Variants in PTPRK observed in about 807,000 individuals in gnomAD.
PTPRK encodes the protein protein tyrosine phosphatase receptor type K.
A neutral mutation model predicts 178.0 loss-of-function variants in PTPRK; 75 were observed. The ratio of observed to expected loss-of-function variants is 0.42; its 90% CI spans 0.35 to 0.51. The LOEUF is 0.51. Among genes scored for constraint, PTPRK ranks in the 20% least tolerant of loss-of-function variants. The pLI, the probability that PTPRK is intolerant of heterozygous loss-of-function variation, is 0.02. For synonymous variants in PTPRK, 637 were observed against 620.6 expected (o/e 1.03, Z -0.39); for missense variants, 1,441 against 1,797.8 (o/e 0.80, Z 3.59).
chr6:128,175,950 C>T (rs1419983891), intron 7 of PTPRK, among the ~76,000 whole-genome samples: 1 of 151,698 alleles, frequency 6.6e-6, no homozygotes, highest in Non-Finnish European at 1.5e-5. Flanking sequence ...TATCTGCCCC[C>T]CACCCCAAAT....
At chr6:127,984,817 A>G (rs988737186) in intron 22 of PTPRK, among the ~76,000 whole-genome samples, 1 of 152,210 alleles carries the variant, frequency 6.6e-6, no homozygotes, top group Admixed American at 6.5e-5. Context: ...GTAATTTAAG[A>G]GTACATCAGA....
chr6:128,482,618 A>T (rs983742552), intron 1 of PTPRK, among the ~76,000 whole-genome samples: 1 of 152,204 alleles, frequency 6.6e-6, no homozygotes, highest in African/African-American at 2.4e-5. Context: ...GTAACAGCCA[A>T]ATCACAGAAA....
At chr6:128,452,665 T>C (rs1414971252) in intron 1 of PTPRK, among the ~76,000 whole-genome samples, 2 of 152,142 alleles carry the variant, frequency 1.3e-5, no homozygotes, top group Non-Finnish European at 2.9e-5. Context: ...GTCAATACCT[T>C]ATTCTTTCAC....
chr6:128,364,009 TA>T (rs1771525952), intron 2 of PTPRK, among the ~76,000 whole-genome samples: 1 of 152,098 alleles, frequency 6.6e-6, no homozygotes, highest in Non-Finnish European at 1.5e-5. Flanking sequence ...CTCATTTTTT[TA>T]TAGATGAGAG....
At chr6:128,509,882 A>G (rs1376096686) in intron 1 of PTPRK, among the ~76,000 whole-genome samples, 3 of 152,068 alleles carry the variant, frequency 2.0e-5, no homozygotes, top group African/African-American at 4.8e-5. Flanking sequence ...CCTCATTCAT[A>G]TATTTCCTGA....
At chr6:128,043,746 T>C (rs953049412) in intron 13 of PTPRK, among the ~76,000 whole-genome samples, 4 of 151,892 alleles carry the variant, frequency 2.6e-5, no homozygotes, top group East Asian at 1.9e-4. Context: ...TTACACACTA[T>C]CATCTCAGTA....
chr6:128,231,032 T>A (rs906207058), intron 5 of PTPRK, among the ~76,000 whole-genome samples: 1 of 152,174 alleles, frequency 6.6e-6, no homozygotes, highest in African/African-American at 2.4e-5. Context: ...GGAAGCCACA[T>A]AAAATCAACC....
At chr6:128,153,836 GT>G (rs1273079594) in intron 7 of PTPRK, among the ~76,000 whole-genome samples, 4 of 151,752 alleles carry the variant, frequency 2.6e-5, no homozygotes, top group Non-Finnish European at 5.9e-5. Context: ...AGACAAAATG[GT>G]CTTTTCCCCT....
chr6:128,197,184 CT>C (rs5879879), intron 6 of PTPRK, among the ~76,000 whole-genome samples: 73 of 138,542 alleles, frequency 5.3e-4, no homozygotes, highest in South Asian at 2.5e-3. Flanking sequence ...TTGTTTTTTT[CT>C]TTTTTTTTTT....
chr6:128,436,570 A>T (rs2128397769), intron 1 of PTPRK, among the ~76,000 whole-genome samples: 1 of 152,238 alleles, frequency 6.6e-6, no homozygotes, highest in East Asian at 1.9e-4. Flanking sequence ...GGCGCTAAAT[A>T]ATAAGTGCTA....
chr6:127,993,182 C>A (rs1314138096), intron 18 of PTPRK, among the ~76,000 whole-genome samples: 3 of 151,736 alleles, frequency 2.0e-5, no homozygotes, highest in Non-Finnish European at 4.4e-5. Flanking sequence ...TGCATCCAAT[C>A]AAAGTCCTGC....
chr6:128,411,505 A>G (rs1014357785), intron 1 of PTPRK, among the ~76,000 whole-genome samples: 2 of 152,180 alleles, frequency 1.3e-5, no homozygotes, highest in Admixed American at 1.3e-4. Context: ...CAATGATCAA[A>G]TCTATTCTCT....
At chr6:128,146,185 G>C (rs1308439250) in intron 7 of PTPRK, among the ~76,000 whole-genome samples, 5 of 152,118 alleles carry the variant, frequency 3.3e-5, no homozygotes, top group Admixed American at 3.3e-4. Context: ...GAGAGAAAAA[G>C]GCTAGTGACA....
At chr6:128,366,232 T>C (rs999516334) in intron 2 of PTPRK, among the ~76,000 whole-genome samples, 3 of 152,140 alleles carry the variant, frequency 2.0e-5, no homozygotes, top group African/African-American at 7.2e-5. Flanking sequence ...TAGATGATAC[T>C]TTTGGAAAAG....
At position 127,999,569 on chromosome 6, in the gene PTPRK, C is replaced by T. The variant is rs146286806; in HGVS notation, c.2495-665G>A. ...TATTTTGAGTCTCTTGGCCACGCTG[C>T]GAGAGAAATCAGGGCGCGCTTCTGG... On this transcript the variant is annotated intron_variant, in intron 15 of 29. Coordinates refer to ENST00000368226, the MANE Select transcript of PTPRK (RefSeq NM_002844.4). Among the ~76,000 whole-genome samples the T allele has an allele frequency of 4.6e-5, 7 of 152,152 alleles. No individual in the cohort carries two copies. In the East Asian group the frequency reaches 9.7e-4, roughly 21 times the overall value.
At chr6:128,117,078 G>A (rs959653983) in intron 7 of PTPRK, among the ~76,000 whole-genome samples, 16 of 151,788 alleles carry the variant, frequency 1.1e-4, no homozygotes, top group African/African-American at 3.1e-4. Context: ...CCCGGGAGGC[G>A]GAGGTTGCAG....
rs754855446 is a variant in PTPRK at position 127,992,728 on chromosome 6, T to A, written c.2845-19A>T. On this transcript the variant is annotated intron_variant, in intron 18 of 29. Coordinates refer to ENST00000368226, the MANE Select transcript of PTPRK (RefSeq NM_002844.4). ...GGTAGCCCTAAAATAAGAGAACAAA[T>A]TAGTTATCATTTTACATCAATATCA... 1 of 1,557,578 alleles carries A rather than the reference T, an allele frequency of 6.4e-7. No homozygotes were observed. The highest frequency in any genetic ancestry group is 1.2e-5 in the South Asian group (1 of 82,114).
chr6:128,148,973 T>C (rs1329516674), intron 7 of PTPRK, among the ~76,000 whole-genome samples: 2 of 151,948 alleles, frequency 1.3e-5, no homozygotes, highest in African/African-American at 4.8e-5. Context: ...CAGAATTTAA[T>C]TACCTGTTTC....
In PTPRK at chr6:128,267,689, T is replaced by TC. The variant is rs201152714; in HGVS notation, c.496-25088dup. Among the ~76,000 whole-genome samples, 1,013 of 152,210 alleles carry TC rather than the reference T, an allele frequency of 6.7e-3. 3 individuals carry two copies. Among genetic ancestry groups the TC allele is most frequent in the Middle Eastern group, 0.02 (6 of 294 alleles). On this transcript the variant is annotated intron_variant, in intron 3 of 29. Coordinates refer to ENST00000368226, the MANE Select transcript of PTPRK (RefSeq NM_002844.4). ...AACATATACAATCCCTTGTCTCCAGTCCTGGAACTGTGGCTATGTAACAGT... is the reference window on the plus strand; with the variant it reads ...AACATATACAATCCCTTGTCTCCAGTCCCTGGAACTGTGGCTATGTAACAGT...
Sources: allele counts gnomAD v4.1 joint callset (sites outside exome capture counted in the v4.1 genomes callset), GRCh38; gene constraint gnomAD v4.1.1; transcripts MANE v1.5; gene names NCBI Gene and HGNC (gene_info 2026-07-23, HGNC 2026-07-21).